The following USP48 variants were observed in gnomAD, a reference collection of about 807,000 sequenced individuals.
USP48 encodes the protein ubiquitin carboxyl-terminal hydrolase 48.
USP48 carries 43 observed loss-of-function variants against 150.7 expected under a neutral mutation model. That is an observed-to-expected ratio of 0.29 (90% CI 0.22 to 0.37). USP48 has a LOEUF of 0.37. Ranked by LOEUF, USP48 falls within the 10% of genes least tolerant of loss-of-function variation. USP48 has a pLI of 1.00. For missense variants in USP48, 813 were observed against 1,249.6 expected (o/e 0.65, Z 5.27); for synonymous variants, 396 against 425.9 (o/e 0.93, Z 0.86).
intron 11 of USP48, among the ~76,000 whole-genome samples, chr1:21,725,753 C>CAAAA (rs11384428): frequency 6.8e-6 from 1 of 146,256 alleles, no homozygotes; most frequent in Non-Finnish European, 1.5e-5. Flanking sequence ...AATTCCATCT[C>CAAAA]AAAAAAAAAA....
At chr1:21,761,094 CAAAAGAAAA>C (rs1308080034) in intron 1 of USP48, among the ~76,000 whole-genome samples, 3 of 139,842 alleles carry the variant, frequency 2.1e-5, no homozygotes, top group Non-Finnish European at 3.1e-5. Flanking sequence ...AACTTTGTCT[CAAAAGAAAA>C]AAAAGAAAAA....
intron 15 of USP48, among the ~76,000 whole-genome samples, chr1:21,712,307 C>T (rs766265203): frequency 1.3e-5 from 2 of 151,988 alleles, no homozygotes; most frequent in African/African-American, 4.8e-5. Flanking sequence ...TGTAGTGAGC[C>T]GAGACTGCAC....
intron 14 of USP48, among the ~76,000 whole-genome samples, chr1:21,716,657 C>T (rs1257970592): frequency 6.6e-6 from 1 of 152,196 alleles, no homozygotes; most frequent in Non-Finnish European, 1.5e-5. Flanking sequence ...TACTTTTTTA[C>T]ACTGTGTCAC....
chr1:21,713,700 A>G (rs181869286), intron 15 of USP48, among the ~76,000 whole-genome samples: 2 of 152,338 alleles, frequency 1.3e-5, no homozygotes, highest in African/African-American at 4.8e-5. Flanking sequence ...AGAAAAGGTG[A>G]TATGAGAGTA....
chr1:21,726,420 G>A (rs1039560636), intron 11 of USP48: 1 of 152,178 alleles, frequency 6.6e-6, no homozygotes, highest in Non-Finnish European at 1.5e-5. Context: ...ACTATGTACG[G>A]TTTTATAGTA....
intron 22 of USP48, among the ~76,000 whole-genome samples, chr1:21,696,185 T>C (rs1557433301): frequency 6.6e-6 from 1 of 152,230 alleles, no homozygotes; most frequent in Non-Finnish European, 1.5e-5. Context: ...ACGCCTGTAA[T>C]CCCAACACTC....
chr1:21,737,966 T>C lies in USP48; in HGVS notation c.992-1341A>G, dbSNP rs1255580209. Among the ~76,000 whole-genome samples the C allele has an allele frequency of 3.9e-5, 6 of 152,054 alleles. 1 individual carries two copies. The highest frequency in any genetic ancestry group is 4.1e-4 in the South Asian group (2 of 4,822). On this transcript the variant is annotated intron_variant, in intron 8 of 26. Coordinates refer to ENST00000308271, the MANE Select transcript of USP48 (RefSeq NM_032236.8). ...AGACTAGGGTGCAGTGGCACAATCATAGCTCACTGCAGCTTCAACCTCCTG... is the reference window on the plus strand; with the variant it reads ...AGACTAGGGTGCAGTGGCACAATCACAGCTCACTGCAGCTTCAACCTCCTG...
intron 2 of USP48, 108 bp from the exon 3 acceptor site, chr1:21,756,810 A>G: frequency 2.0e-6 from 3 of 1,499,200 alleles, no homozygotes; most frequent in Non-Finnish European, 2.7e-6. Context: ...GACCGTCACA[A>G]CCAACATGGT....
intron 6 of USP48, among the ~76,000 whole-genome samples, chr1:21,748,790 G>A (rs1451181284): frequency 6.6e-6 from 1 of 151,984 alleles, no homozygotes; most frequent in Non-Finnish European, 1.5e-5. Context: ...ACACACCTGT[G>A]GTCCCAACTA....
chr1:21,737,704 T>C (rs944360867), intron 8 of USP48, among the ~76,000 whole-genome samples: 4 of 152,136 alleles, frequency 2.6e-5, no homozygotes, highest in East Asian at 3.9e-4. Flanking sequence ...AAACCTACAG[T>C]TTTTTTCCAA....
At chr1:21,687,154 C>T (rs2097582386) in intron 25 of USP48, 37 bp downstream of exon 25, 2 of 1,601,882 alleles carry the variant, frequency 1.2e-6, no homozygotes, top group African/African-American at 2.7e-5. Flanking sequence ...CCGTCTAAAA[C>T]CTAATCAGCA....
At chr1:21,727,616 A>C (rs1169348005) in intron 11 of USP48, among the ~76,000 whole-genome samples, 1 of 152,220 alleles carries the variant, frequency 6.6e-6, no homozygotes, top group Non-Finnish European at 1.5e-5. Flanking sequence ...TAGAGATCTG[A>C]ATCATGGGTT....
intron 1 of USP48, among the ~76,000 whole-genome samples, chr1:21,759,403 A>T (rs966278094): frequency 6.6e-6 from 1 of 152,072 alleles, no homozygotes; most frequent in Non-Finnish European, 1.5e-5. Flanking sequence ...CAAACAGCCA[A>T]CTCTAATTAG....
intron 12 of USP48, 35 bp downstream of exon 12, chr1:21,723,863 G>T (rs757945745): frequency 6.4e-7 from 1 of 1,569,980 alleles, no homozygotes; most frequent in Admixed American, 1.7e-5. Flanking sequence ...TTAATGAGCT[G>T]CTCTTTTTTA....
intron 24 of USP48, among the ~76,000 whole-genome samples, chr1:21,687,540 T>A (rs1253676421): frequency 6.6e-6 from 1 of 152,194 alleles, no homozygotes; most frequent in Non-Finnish European, 1.5e-5. Flanking sequence ...CACCCTGGGG[T>A]TACTAAAGAC....
intron 10 of USP48, 133 bp downstream of exon 10, chr1:21,729,570 AT>A: frequency 8.9e-7 from 1 of 1,125,316 alleles, no homozygotes. Context: ...TGCAATTAAT[AT>A]TTACTTTCAC....
At chr1:21,741,532 T>C (rs772738631) in intron 8 of USP48, among the ~76,000 whole-genome samples, 1 of 152,224 alleles carries the variant, frequency 6.6e-6, no homozygotes, top group Non-Finnish European at 1.5e-5. Flanking sequence ...AAGAATTTTG[T>C]AAGCTCTAAT....
At chr1:21,686,485 T>C (rs2097580541) in intron 25 of USP48, 1 of 26,998 alleles carries the variant, frequency 3.7e-5, no homozygotes, top group South Asian at 2.4e-3. Flanking sequence ...ATGTATTGGT[T>C]TGCATATGTT....
intron 19 of USP48, 97 bp downstream of exon 19, chr1:21,705,630 A>G: frequency 1.1e-6 from 1 of 915,470 alleles, no homozygotes. Context: ...AATTCTTAAA[A>G]CAGACTATGT....
Sources: allele counts gnomAD v4.1 joint callset (sites outside exome capture counted in the v4.1 genomes callset), GRCh38; gene constraint gnomAD v4.1.1; transcripts MANE v1.5; gene names NCBI Gene and HGNC (gene_info 2026-07-23, HGNC 2026-07-21).